Variants in PRKDC observed in about 807,000 individuals in gnomAD.
PRKDC encodes the protein protein kinase, DNA-activated, catalytic subunit.
Under a neutral mutation model 486.9 loss-of-function variants are expected in PRKDC, and 82 were observed. The observed-to-expected ratio is 0.17, with a 90% CI of 0.14 to 0.20. The LOEUF is 0.20. Ranked by LOEUF, PRKDC falls within the 10% of genes least tolerant of loss-of-function variation. The pLI is 1.00. For missense variants in PRKDC, 4,504 were observed against 5,038.2 expected (o/e 0.89, Z 3.21); for synonymous variants, 1,895 against 1,837.0 (o/e 1.03, Z -0.81).
chr8:47,915,897 CA>C (rs2089974918), intron 22 of PRKDC, among the ~76,000 whole-genome samples: 1 of 152,192 alleles, frequency 6.6e-6, no homozygotes, highest in South Asian at 2.1e-4. Flanking sequence ...AAAACTGAAC[CA>C]GCGTAGTTTC....
intron 61 of PRKDC, among the ~76,000 whole-genome samples, 156 bp downstream of exon 61, chr8:47,830,449 G>C (rs973310142): frequency 2.0e-5 from 3 of 152,228 alleles, no homozygotes; most frequent in Admixed American, 6.5e-5. Flanking sequence ...GCCAGGACTT[G>C]GAGCAAGGTC....
At chr8:47,807,355 C>T in intron 68 of PRKDC, 29 bp from the exon 69 acceptor site, 1 of 1,496,506 alleles carries the variant, frequency 6.7e-7, no homozygotes, top group Non-Finnish European at 8.9e-7. Context: ...GACAATGTCA[C>T]AGACTCAGGA....
At chr8:47,807,070 A>T in intron 69 of PRKDC, 67 bp downstream of exon 69, 2 of 1,477,980 alleles carry the variant, frequency 1.4e-6, no homozygotes. Context: ...AGAAAAGCTA[A>T]AATTAGAGAA....
intron 30 of PRKDC, among the ~76,000 whole-genome samples, 200 bp from the exon 31 acceptor site, chr8:47,893,587 G>T (rs1374530471): frequency 6.6e-6 from 1 of 152,112 alleles, no homozygotes; most frequent in African/African-American, 2.4e-5. Flanking sequence ...TATAAAAATA[G>T]TTGGACACCA....
At chr8:47,843,410 T>C (rs971259628) in intron 54 of PRKDC, among the ~76,000 whole-genome samples, 2 of 152,166 alleles carry the variant, frequency 1.3e-5, no homozygotes, top group Admixed American at 6.5e-5. Flanking sequence ...ATCCATTATA[T>C]GTAAAAAGAA....
chr8:47,942,871 T>C (rs1049373352), intron 10 of PRKDC, among the ~76,000 whole-genome samples: 12 of 152,188 alleles, frequency 7.9e-5, no homozygotes, highest in African/African-American at 2.9e-4. Flanking sequence ...TGGAGACAGC[T>C]AGCCCTCCTC....
intron 18 of PRKDC, 30 bp from the exon 19 acceptor site, chr8:47,929,208 T>C (rs1476589690): frequency 3.5e-6 from 5 of 1,434,258 alleles, no homozygotes; most frequent in Admixed American, 2.0e-5. Context: ...GTTAGTACAC[T>C]GAACAAGAAT....
chr8:47,844,993 T>C (rs1435693911), intron 54 of PRKDC, among the ~76,000 whole-genome samples: 1 of 152,064 alleles, frequency 6.6e-6, no homozygotes, highest in Non-Finnish European at 1.5e-5. Context: ...GGCAGGAGGA[T>C]CATTTGAGGT....
At chr8:47,953,455 A>G (rs2090657455) in intron 7 of PRKDC, among the ~76,000 whole-genome samples, 165 bp downstream of exon 7, 1 of 152,234 alleles carries the variant, frequency 6.6e-6, no homozygotes, top group African/African-American at 2.4e-5. Flanking sequence ...GTTGGGAAAG[A>G]TGTCATCATC....
At chr8:47,802,806 CCAT>C (rs2087137143) in intron 70 of PRKDC, among the ~76,000 whole-genome samples, 1 of 152,128 alleles carries the variant, frequency 6.6e-6, no homozygotes, top group African/African-American at 2.4e-5. Flanking sequence ...GCGCCCACCA[CCAT>C]GCCTGGTTAA....
rs1174225084 is a variant in PRKDC, at chr8:47,888,959, A to G, written c.4280+55T>C. 5.2e-6 allele frequency: 8 copies of G among 1,542,044 alleles called. No individual in the cohort carries two copies. The African/African-American group carries it at 9.5e-5, about 18-fold the overall frequency. ...AGCAGCTGCAGGAGCACGGCAACAT[A>G]CTAGGGCCTGAAATTCCAGGACAAC... On this transcript the variant is annotated intron_variant, in intron 33 of 85. Coordinates refer to ENST00000314191, the MANE Select transcript of PRKDC (RefSeq NM_006904.7).
Position 47,807,198 on chromosome 8 carries a change from G to T in PRKDC, c.9686C>A (p.Ser3229Tyr), listed in dbSNP as rs753210352. ...EVQEQEEDIS[S>Y]LIRSCKFSMK... ...GGAAAACTTGCAACTCCTGATCAGG[G>T]AGCTGATATCTTCTTCCTGCTCTTG... Residue 3229 changes from serine to tyrosine, a missense_variant, in exon 69 of 86, where the codon TCC (serine) becomes TAC (tyrosine). Around this residue, in one of 6 missense-constraint regions of PRKDC, gnomAD observed 1,592 missense variants for 1,724.6 expected, o/e 0.92. Coordinates refer to ENST00000314191, the MANE Select transcript of PRKDC (RefSeq NM_006904.7). The T allele has an allele frequency of 1.9e-6, 3 of 1,613,806 alleles. No homozygotes were observed. The highest frequency in any genetic ancestry group is 3.3e-5 in the Admixed American group (2 of 59,992).
At chr8:47,871,474 C>G (rs1485410168) in intron 40 of PRKDC, among the ~76,000 whole-genome samples, 2 of 152,120 alleles carry the variant, frequency 1.3e-5, no homozygotes, top group Non-Finnish European at 2.9e-5. Flanking sequence ...TTTCCTAGAA[C>G]AGTATATCCA....
At chr8:47,912,671 T>G (rs1204206123) in intron 24 of PRKDC, 109 bp from the exon 25 acceptor site, 27 of 1,039,574 alleles carry the variant, frequency 2.6e-5, no homozygotes, top group Non-Finnish European at 3.6e-5. Flanking sequence ...TCATTGCACA[T>G]AACTATCATG....
In PRKDC at chr8:47,904,918, T is replaced by C; in HGVS notation, c.2993A>G (p.Asn998Ser). 1.2e-6 allele frequency: 2 copies of C among 1,613,824 alleles called. No individual in the cohort carries two copies. The highest frequency in any genetic ancestry group is 1.3e-5 in the African/African-American group (1 of 75,062). The change falls in exon 26 of 86, where the codon AAC becomes AGC. Residue 998 changes from asparagine to serine, a missense_variant. Physicochemically the swap from Asn to Ser is conservative, Grantham distance 46. Coordinates refer to ENST00000314191, the MANE Select transcript of PRKDC (RefSeq NM_006904.7). The stretch of plus-strand genomic sequence containing the variant: ...AGTATCCTGACTTTCAAATTTCTTG[T>C]TGTTAGTGAACCAGTGAATCAGCTG... The part of the protein sequence containing the change: ...VMQLIHWFTN[N>S]KKFESQDTVA...
chr8:47,811,538 A>C (rs180844769), intron 68 of PRKDC, among the ~76,000 whole-genome samples: 4 of 152,218 alleles, frequency 2.6e-5, no homozygotes, highest in Non-Finnish European at 5.9e-5. Context: ...TATGTGAGGA[A>C]AACCACATAT....
In PRKDC at chr8:47,885,987, G is replaced by C; in HGVS notation, c.4733C>G (p.Ala1578Gly). 3.1e-6 allele frequency: 5 copies of C among 1,613,920 alleles called. No homozygotes were observed. The highest frequency in any genetic ancestry group is 2.5e-6 in the Non-Finnish European group (3 of 1,179,868). Residue 1578 changes from alanine (A) to glycine (G), a missense_variant, in exon 36 of 86, where the codon GCT becomes GGT. Ala to Gly is a moderately conservative substitution (Grantham distance 60). Coordinates refer to ENST00000314191, the MANE Select transcript of PRKDC (RefSeq NM_006904.7). The stretch of plus-strand genomic sequence containing the variant: ...TGAAGACTGCATGAGCTCCAATACA[G>C]CAAGATCCAGATTTTTCAATAATTC... ...NTELLKNLDL[A>G]VLELMQSSVD...
chr8:47,818,952 G>A (rs770667529), intron 67 of PRKDC, among the ~76,000 whole-genome samples: 28 of 152,196 alleles, frequency 1.8e-4, no homozygotes, highest in Non-Finnish European at 3.2e-4. Flanking sequence ...GGGCCCTGCT[G>A]CCCGCAGCCT....
chr8:47,827,837 C>G (rs1283254633), intron 62 of PRKDC, among the ~76,000 whole-genome samples: 1 of 152,066 alleles, frequency 6.6e-6, no homozygotes, highest in Non-Finnish European at 1.5e-5. Flanking sequence ...TGACAGTAGT[C>G]AGGAAGCAGA....
Sources: gnomAD v4.1 joint callset for allele counts (sites outside exome capture counted in the v4.1 genomes callset) on GRCh38, gnomAD v4.1.1 for gene constraint, gnomAD v4.1.1 regional missense constraint, MANE v1.5 for transcripts, NCBI Gene and HGNC (gene_info 2026-07-23, HGNC 2026-07-21) for gene names.